The following TLL1 variants were observed in gnomAD, a reference collection of about 807,000 sequenced individuals.
The protein encoded by TLL1 is tolloid-like protein 1.
In TLL1, 49 loss-of-function variants were observed where a neutral mutation model predicts 128.2. That is an observed-to-expected ratio of 0.38 (90% CI 0.30 to 0.48). TLL1 has a LOEUF of 0.48. TLL1 is among the 20% of genes least tolerant of loss of function. TLL1 has a pLI of 0.96. For missense variants in TLL1, 1,123 were observed against 1,242.0 expected (o/e 0.90, Z 1.44); for synonymous variants, 454 against 418.8 (o/e 1.08, Z -1.03).
At chr4:166,093,243 T>A (rs150000167) in intron 19 of TLL1, among the ~76,000 whole-genome samples, 1 of 152,130 alleles carries the variant, frequency 6.6e-6, no homozygotes, top group Non-Finnish European at 1.5e-5. Flanking sequence ...TCAGTTTTTA[T>A]TGATTATTAT....
At chr4:166,022,377 C>A (rs1196144181) in intron 8 of TLL1, among the ~76,000 whole-genome samples, 1 of 152,160 alleles carries the variant, frequency 6.6e-6, no homozygotes, top group African/African-American at 2.4e-5. Flanking sequence ...GTTGGCCAGG[C>A]TGGTCTGGAA....
chr4:165,998,293 C>T (rs925781215), intron 5 of TLL1, among the ~76,000 whole-genome samples: 1 of 151,978 alleles, frequency 6.6e-6, no homozygotes, highest in Non-Finnish European at 1.5e-5. Flanking sequence ...CCTTTTATAG[C>T]TAAATAGATT....
intron 12 of TLL1, among the ~76,000 whole-genome samples, chr4:166,048,268 G>GC (rs1739553322): frequency 6.7e-6 from 1 of 149,184 alleles, no homozygotes; most frequent in African/African-American, 2.5e-5. Context: ...GGCCTAGGGA[G>GC]CTTCTACCAT....
intron 12 of TLL1, among the ~76,000 whole-genome samples, chr4:166,045,714 A>C (rs1739434745): frequency 6.6e-6 from 1 of 151,026 alleles, no homozygotes; most frequent in African/African-American, 2.4e-5. Context: ...GCTCCTCCTC[A>C]CTCCCTCTGT....
At chr4:166,032,821 C>T (rs1014748765) in intron 9 of TLL1, among the ~76,000 whole-genome samples, 6 of 151,924 alleles carry the variant, frequency 3.9e-5, no homozygotes, top group African/African-American at 4.8e-5. Flanking sequence ...AAAATGAAAA[C>T]GGAGACTATT....
chr4:165,925,200 T>A (rs1480533703), intron 1 of TLL1, among the ~76,000 whole-genome samples: 1 of 152,224 alleles, frequency 6.6e-6, no homozygotes, highest in Admixed American at 6.5e-5. Context: ...ATGGCTATGG[T>A]TGCCATAAAT....
At chr4:165,990,397 G>T (rs1290722968) in intron 2 of TLL1, among the ~76,000 whole-genome samples, 2 of 151,906 alleles carry the variant, frequency 1.3e-5, no homozygotes, top group East Asian at 1.9e-4. Context: ...GATATCAAAT[G>T]CACATATATA....
At chr4:165,889,521 C>T (rs1393191779) in intron 1 of TLL1, among the ~76,000 whole-genome samples, 1 of 152,184 alleles carries the variant, frequency 6.6e-6, no homozygotes, top group African/African-American at 2.4e-5. Flanking sequence ...ACTCAAACTA[C>T]CTATTGTGAT....
At chr4:165,886,370 G>T (rs1474406090) in intron 1 of TLL1, among the ~76,000 whole-genome samples, 1 of 152,102 alleles carries the variant, frequency 6.6e-6, no homozygotes, top group Non-Finnish European at 1.5e-5. Context: ...GCACTGTACA[G>T]ATTTAAATTA....
intron 7 of TLL1, among the ~76,000 whole-genome samples, chr4:166,008,907 T>C (rs1737556749): frequency 6.6e-6 from 1 of 151,434 alleles, no homozygotes; most frequent in South Asian, 2.1e-4. Context: ...TAAGCTGCTT[T>C]TATAAAACTT....
chr4:165,914,287 G>A (rs1387168828), intron 1 of TLL1, among the ~76,000 whole-genome samples: 5 of 152,034 alleles, frequency 3.3e-5, no homozygotes, highest in Non-Finnish European at 7.4e-5. Flanking sequence ...TATTTATATA[G>A]ATATAAAGAA....
At chr4:165,956,918 T>A (rs1734829038) in intron 1 of TLL1, among the ~76,000 whole-genome samples, 1 of 152,002 alleles carries the variant, frequency 6.6e-6, no homozygotes, top group African/African-American at 2.4e-5. Flanking sequence ...CTAAAGTACA[T>A]AGCCCACAGA....
At chr4:166,096,568 G>A (rs1319687985) in intron 19 of TLL1, among the ~76,000 whole-genome samples, 1 of 151,912 alleles carries the variant, frequency 6.6e-6, no homozygotes, top group Non-Finnish European at 1.5e-5. Context: ...TGCTTCTTCT[G>A]GATCCTGGTC....
chr4:165,957,342 G>T (rs1734852181), intron 1 of TLL1, among the ~76,000 whole-genome samples: 2 of 151,980 alleles, frequency 1.3e-5, no homozygotes, highest in South Asian at 4.1e-4. Context: ...ACAGCACCCA[G>T]ACTTATAAAA....
chr4:165,880,524 T>C (rs1288598133), intron 1 of TLL1, among the ~76,000 whole-genome samples: 1 of 152,236 alleles, frequency 6.6e-6, no homozygotes, highest in Non-Finnish European at 1.5e-5. Flanking sequence ...AGAAGTGCTC[T>C]AAATATATTA....
chr4:166,007,291 C>G (rs17047195), intron 6 of TLL1, among the ~76,000 whole-genome samples: 1,807 of 151,816 alleles, frequency 0.012, 46 homozygotes, highest in African/African-American at 0.04. Flanking sequence ...AGAAGTTAAA[C>G]TAACAGATGT....
chr4:166,095,390 A>G (rs1741972939), intron 19 of TLL1, among the ~76,000 whole-genome samples: 1 of 150,364 alleles, frequency 6.7e-6, no homozygotes, highest in Admixed American at 6.7e-5. Flanking sequence ...TAAATAAGTT[A>G]ATTAAAGGAA....
In TLL1 at chr4:166,014,418, G is replaced by C. The variant is rs746071763; in HGVS notation, c.918-18G>C. The C allele has an allele frequency of 1.1e-5, 17 of 1,611,498 alleles. No individual in the cohort carries two copies. In the South Asian group the frequency reaches 1.9e-4, roughly 18 times the overall value. ...TCATTTGGTGACTTAGGTGTGGTTT[G>C]CTTCTGCTTTTTTTCAGGGGGATGT... On this transcript the variant is annotated intron_variant, in intron 7 of 20. Coordinates refer to ENST00000061240, the MANE Select transcript of TLL1 (RefSeq NM_012464.5).
chr4:165,999,982 G>C (rs1737074461), intron 5 of TLL1, among the ~76,000 whole-genome samples: 1 of 152,058 alleles, frequency 6.6e-6, no homozygotes. Context: ...GTTCCAAATG[G>C]GTTTTGTTCT....
Sources: allele counts gnomAD v4.1 joint callset (sites outside exome capture counted in the v4.1 genomes callset), GRCh38; gene constraint gnomAD v4.1.1; transcripts MANE v1.5; gene names NCBI Gene and HGNC (gene_info 2026-07-23, HGNC 2026-07-21).